The following APMAP variants were observed in gnomAD, a reference collection of about 807,000 sequenced individuals.
APMAP encodes adipocyte plasma membrane-associated protein.
APMAP carries 33 observed loss-of-function variants against 43.6 expected under a neutral mutation model. That is an observed-to-expected ratio of 0.76 (90% CI 0.57 to 1.01). APMAP has a LOEUF of 1.01. Among genes scored for constraint, APMAP ranks in the 50% least tolerant of loss-of-function variants. APMAP has a pLI of 0.00. For synonymous variants in APMAP, 224 were observed against 216.7 expected, an observed-to-expected ratio of 1.03 and a Z score of -0.30; for missense variants, 498 against 540.7, an observed-to-expected ratio of 0.92 and a Z score of 0.78.
At chr20:24,966,441 T>C (rs1221309938) in intron 8 of APMAP, among the ~76,000 whole-genome samples, 3 of 152,232 alleles carry the variant, frequency 2.0e-5, no homozygotes, top group South Asian at 2.1e-4. Flanking sequence ...ATTCCCTGCC[T>C]GAATCAGGTG....
In APMAP at chr20:24,992,744, C is replaced by A. The variant is rs1342433455; in HGVS notation, c.-56G>T. On this transcript the variant is annotated 5_prime_UTR_variant, in exon 1 of 9. Coordinates refer to ENST00000217456, the MANE Select transcript of APMAP (RefSeq NM_020531.3). ...CACCTCACACTGAGCGGCGCCGGCT[C>A]AGACTCCAGGCCCGCCCTCCCCCGT... 1 of 1,349,414 alleles carries A rather than the reference C, an allele frequency of 7.4e-7. No homozygotes were observed. Among genetic ancestry groups the A allele is most frequent in the Admixed American group, 2.6e-5 (1 of 39,154 alleles). The allele number at this position is 1,349,414 out of a possible 1,614,324, so 83.6% of individuals were successfully genotyped here.
In APMAP at chr20:24,971,442, C is replaced by T. The variant is rs760132557; in HGVS notation, c.538+18G>A. 25 of 1,594,990 alleles carry T rather than the reference C, an allele frequency of 1.6e-5. No individual in the cohort carries two copies. The highest frequency in any genetic ancestry group is 1.7e-4 in the Middle Eastern group (1 of 5,994). On this transcript the variant is annotated intron_variant, in intron 5 of 8. Coordinates refer to ENST00000217456, the MANE Select transcript of APMAP (RefSeq NM_020531.3). Reference sequence around the variant, plus strand: ...GATCTAAAATCTTCATAGAAGGAAACGAGATATTGTCACATACGTTTCCAG... The same window carrying T: ...GATCTAAAATCTTCATAGAAGGAAATGAGATATTGTCACATACGTTTCCAG...
intron 2 of APMAP, among the ~76,000 whole-genome samples, chr20:24,982,114 C>G (rs1475452586): frequency 1.3e-5 from 2 of 152,126 alleles, no homozygotes; most frequent in African/African-American, 4.8e-5. Context: ...GATTCCAATG[C>G]CATAAGCTGA....
intron 1 of APMAP, among the ~76,000 whole-genome samples, chr20:24,990,256 G>C (rs1188086406): frequency 1.3e-5 from 2 of 152,174 alleles, no homozygotes; most frequent in East Asian, 3.8e-4. Flanking sequence ...AGTAATTCAA[G>C]AGCTTTGGCA....
Position 24,963,028 on chromosome 20 carries a change from A to G in APMAP, c.*785T>C, listed in dbSNP as rs1419859162. ...TATACAGCAACTTGGGGCTTATAACACATGAGCAAAGATGACATTAACACG... is the reference window on the plus strand; with the variant it reads ...TATACAGCAACTTGGGGCTTATAACGCATGAGCAAAGATGACATTAACACG... On this transcript the variant is annotated 3_prime_UTR_variant, in exon 9 of 9. Transcript: ENST00000217456. 1 of 152,226 alleles carries G rather than the reference A, an allele frequency of 6.6e-6. No homozygotes were observed. The highest frequency in any genetic ancestry group is 1.5e-5 in the Non-Finnish European group (1 of 68,044). 9.4% of individuals were successfully genotyped at this position (152,226 alleles called of 1,614,324 possible). A position where few individuals can be genotyped will look rare whatever the true frequency, so the allele number is the denominator to read the frequency against.
At chr20:24,970,443 A>C in intron 5 of APMAP, 72 bp from the exon 6 acceptor site, 6 of 1,368,672 alleles carry the variant, frequency 4.4e-6, no homozygotes, top group Non-Finnish European at 5.9e-6. Flanking sequence ...ATATTAACCA[A>C]CCTAACTGAT....
intron 3 of APMAP, 134 bp from the exon 4 acceptor site, chr20:24,973,871 G>A (rs1181992727): frequency 7.0e-6 from 5 of 714,718 alleles, no homozygotes; most frequent in East Asian, 2.8e-5. Context: ...CAAGATGGAA[G>A]AGAAGCAATT....
At chr20:24,985,623 G>C (rs1441397481) in intron 1 of APMAP, among the ~76,000 whole-genome samples, 1 of 152,120 alleles carries the variant, frequency 6.6e-6, no homozygotes, top group Non-Finnish European at 1.5e-5. Flanking sequence ...AAGTAAATTA[G>C]TTTCCAGCAC....
At chr20:24,992,077 G>T (rs1329189251) in intron 1 of APMAP, among the ~76,000 whole-genome samples, 1 of 152,224 alleles carries the variant, frequency 6.6e-6, no homozygotes, top group Non-Finnish European at 1.5e-5. Context: ...GTGCAGAAGA[G>T]CAAGTGTAGA....
intron 1 of APMAP, among the ~76,000 whole-genome samples, 176 bp from the exon 2 acceptor site, chr20:24,984,195 A>G (rs964105464): frequency 4.0e-5 from 6 of 151,680 alleles, no homozygotes; most frequent in Non-Finnish European, 7.4e-5. Context: ...ATTGGCAAAC[A>G]CACTTTTGTT....
At position 24,963,646 on chromosome 20, in the gene APMAP, C is replaced by G. The variant is rs572640114; in HGVS notation, c.*167G>C. 4 of 697,186 alleles carry G rather than the reference C, an allele frequency of 5.7e-6. No homozygotes were observed. The Admixed American group carries it at 1.1e-4, about 20-fold the overall frequency. 43.2% of individuals were successfully genotyped at this position (697,186 alleles called of 1,614,324 possible). ...CAGAAAGACAAGCCCAGGTGGGGCC[C>G]GGGCATCCTCGAGGAATGAAGCAGC... On this transcript the variant is annotated 3_prime_UTR_variant, in exon 9 of 9. Transcript: ENST00000217456.
chr20:24,985,832 G>GA (rs146668342), intron 1 of APMAP, among the ~76,000 whole-genome samples: 22 of 151,938 alleles, frequency 1.4e-4, no homozygotes, highest in Non-Finnish European at 2.5e-4. Context: ...AGCATAGCAG[G>GA]AAAAAAAACC....
At position 24,971,460 on chromosome 20, in the gene APMAP, G is replaced by C. The variant is rs201595930; in HGVS notation, c.538C>G (p.Arg180Gly). Residue 180 changes from arginine to glycine, a missense_variant and splice_region_variant, in exon 5 of 9, where the codon CGT becomes GGT. Arg to Gly is a moderately radical substitution (Grantham distance 125, BLOSUM62 -2). Coordinates refer to ENST00000217456, the MANE Select transcript of APMAP (RefSeq NM_020531.3). ...AAGGAAACGAGATATTGTCACATACGTTTCCAGGGATTTACTTCAAATAGT... is the reference window on the plus strand; with the variant it reads ...AAGGAAACGAGATATTGTCACATACCTTTCCAGGGATTTACTTCAAATAGT... ...KGLFEVNPWK[R>G]EVKLLLSSET... 2 of 1,610,716 alleles carry C rather than the reference G, an allele frequency of 1.2e-6. No homozygotes were observed. Among genetic ancestry groups the C allele is most frequent in the Non-Finnish European group, 1.7e-6 (2 of 1,176,940 alleles).
intron 2 of APMAP, among the ~76,000 whole-genome samples, chr20:24,982,897 G>A (rs1211933617): frequency 3.4e-5 from 5 of 147,326 alleles, no homozygotes; most frequent in African/African-American, 5.1e-5. Context: ...GCCTGGCTCA[G>A]GCAGAAAAAT....
At chr20:24,980,638 A>G (rs1484240309) in intron 2 of APMAP, among the ~76,000 whole-genome samples, 1 of 148,446 alleles carries the variant, frequency 6.7e-6, no homozygotes, top group Non-Finnish European at 1.5e-5. Context: ...TCAAGAGGCC[A>G]TGCTACCATG....
At chr20:24,968,409 G>A (rs561031714) in intron 8 of APMAP, among the ~76,000 whole-genome samples, 7 of 152,326 alleles carry the variant, frequency 4.6e-5, no homozygotes, top group East Asian at 1.9e-4. Context: ...GGGAGCAGGC[G>A]GGATGGCAGC....
rs2087918861 is a variant in APMAP, at chr20:24,963,833, G to C, written c.1231C>G (p.Leu411Val). ...GAGGGCTAAACAGCCTGGAGGCTGA[G>C]TCTGCAGAGGAAGGGGGACCTGAAA... is the stretch of plus-strand genomic sequence containing the variant. ...GSFRSPFLCR[L>V]SLQAV Residue 411 changes from leucine to valine, a missense_variant, in exon 9 of 9, where the codon CTC becomes GTC. Leu to Val is a conservative substitution (Grantham distance 32). Coordinates refer to ENST00000217456, the MANE Select transcript of APMAP (RefSeq NM_020531.3). 1.2e-6 allele frequency: 2 copies of C among 1,614,210 alleles called. No individual in the cohort carries two copies. Among genetic ancestry groups the C allele is most frequent in the Non-Finnish European group, 1.7e-6 (2 of 1,180,038 alleles).
chr20:24,985,764 T>G (rs6037001), intron 1 of APMAP, among the ~76,000 whole-genome samples: 18,962 of 152,082 alleles, frequency 0.12, 1,524 homozygotes, highest in African/African-American at 0.22. Flanking sequence ...CTTGAACACA[T>G]TAGTAAAACT....
At chr20:24,969,200 A>T in intron 7 of APMAP, 116 bp from the exon 8 acceptor site, 1 of 1,082,222 alleles carries the variant, frequency 9.2e-7, no homozygotes, top group Admixed American at 3.1e-5. Flanking sequence ...GTGCTCTATG[A>T]CCATCATGAA....
Sources: gnomAD v4.1 joint callset for allele counts (sites outside exome capture counted in the v4.1 genomes callset) on GRCh38, gnomAD v4.1.1 for gene constraint, MANE v1.5 for transcripts, NCBI Gene and HGNC (gene_info 2026-07-23, HGNC 2026-07-21) for gene names.